Variants in ZPBP2 observed in about 807,000 individuals in gnomAD.
ZPBP2 encodes the protein zona pellucida-binding protein 2.
Under a neutral mutation model 37.5 loss-of-function variants are expected in ZPBP2, and 34 were observed. The ratio of observed to expected loss-of-function variants is 0.91; its 90% CI spans 0.69 to 1.21. The LOEUF (loss-of-function observed/expected upper bound fraction) is 1.21, where lower values mean the gene tolerates loss of function less well. ZPBP2 is among the 50% of genes most tolerant of loss of function. ZPBP2 has a pLI of 0.00. For missense variants in ZPBP2, 397 were observed against 413.5 expected (o/e 0.96, Z 0.35); for synonymous variants, 143 against 138.4 (o/e 1.03, Z -0.23).
In ZPBP2 at chr17:39,872,371, A is replaced by G. The variant is rs2063369092; in HGVS notation, c.508A>G (p.Ile170Val). The G allele has an allele frequency of 1.2e-6, 2 of 1,613,482 alleles. No homozygotes were observed. The highest frequency in any genetic ancestry group is 2.2e-5 in the East Asian group (1 of 44,780). Residue 170 changes from isoleucine to valine, a missense_variant, in exon 5 of 8, where the codon ATC (isoleucine) becomes GTC (valine). By Grantham distance (29) the Ile-to-Val change is conservative. Transcript: ENST00000348931. ...NDVFFRVLKKILDSLISDLSC... is the reference protein window; with the variant it reads ...NDVFFRVLKKVLDSLISDLSC... ...TGTATTCTTTAGAGTGCTGAAGAAA[A>G]TCTTGGATAGTCTAATTTCTGATTT... is the stretch of plus-strand genomic sequence containing the variant.
At chr17:39,873,235 A>G in intron 6 of ZPBP2, 109 bp downstream of exon 6, 1 of 841,760 alleles carries the variant, frequency 1.2e-6, no homozygotes, top group Non-Finnish European at 1.8e-6. Context: ...TGCAGCCTCA[A>G]ACTCCTGGGC....
In ZPBP2 at chr17:39,868,239, G is replaced by GT; in HGVS notation, c.-116_-115insT. 8.2e-7 allele frequency: 1 copy of GT among 1,213,494 alleles called. No individual in the cohort carries two copies. The highest frequency in any genetic ancestry group is 2.4e-5 in the East Asian group (1 of 41,762). The allele number at this position is 1,213,494 out of a possible 1,614,324, so 75.2% of individuals were successfully genotyped here. A position where few individuals can be genotyped will look rare whatever the true frequency, so the allele number is the denominator to read the frequency against. On this transcript the variant is annotated 5_prime_UTR_variant, in exon 1 of 8. Coordinates refer to ENST00000348931, the MANE Select transcript of ZPBP2 (RefSeq NM_199321.3). ...CCGCCGTTGCGACGGACGGGTAGGG[G>GT]AGGCGACCCCGGCGTTCTGCTCCGC...
At chr17:39,869,036 C>T (rs565151786) in intron 2 of ZPBP2, among the ~76,000 whole-genome samples, 67 of 152,294 alleles carry the variant, frequency 4.4e-4, no homozygotes, top group African/African-American at 1.5e-3. Context: ...TGCAGTGAAA[C>T]TTTCCCAAGG....
intron 6 of ZPBP2, among the ~76,000 whole-genome samples, chr17:39,874,621 C>T (rs1412702016): frequency 6.6e-6 from 1 of 151,832 alleles, no homozygotes; most frequent in Non-Finnish European, 1.5e-5. Flanking sequence ...TTATTAGAGA[C>T]GAGGTTTCAC....
In ZPBP2 at chr17:39,877,692, T is replaced by C. The variant is rs1406913536; in HGVS notation, c.*883T>C. 1 of 152,226 alleles carries C rather than the reference T, an allele frequency of 6.6e-6. No homozygotes were observed. Among genetic ancestry groups the C allele is most frequent in the Non-Finnish European group, 1.5e-5 (1 of 68,032 alleles). 9.4% of individuals were successfully genotyped at this position (152,226 alleles called of 1,614,324 possible). ...TGTAGTTGGTTGGAGTTATGCAGTA[T>C]GTAGACTTTTTAGACTGGCTTCTTT... is the stretch of plus-strand genomic sequence containing the variant. On this transcript the variant is annotated 3_prime_UTR_variant, in exon 8 of 8. Coordinates refer to ENST00000348931, the MANE Select transcript of ZPBP2 (RefSeq NM_199321.3).
At chr17:39,871,677 A>G (rs980805688) in intron 4 of ZPBP2, 52 bp downstream of exon 4, 5 of 1,386,198 alleles carry the variant, frequency 3.6e-6, no homozygotes, top group African/African-American at 1.5e-5. Flanking sequence ...ATCGTAATTA[A>G]GTGTATGGTT....
rs554367023 is a variant in ZPBP2 at position 39,877,016 on chromosome 17, G to A, written c.*207G>A. On this transcript the variant is annotated 3_prime_UTR_variant, in exon 8 of 8. Coordinates refer to ENST00000348931, the MANE Select transcript of ZPBP2 (RefSeq NM_199321.3). Reference sequence around the variant, plus strand: ...TATCTCTAGTGTACAAAGGAAACTTGAAGTTTTAATGGATTATTTTTAATG... The same window carrying A: ...TATCTCTAGTGTACAAAGGAAACTTAAAGTTTTAATGGATTATTTTTAATG... The A allele has an allele frequency of 3.9e-4, 190 of 490,404 alleles. No homozygotes were observed. The highest frequency in any genetic ancestry group is 6.2e-4 in the Non-Finnish European group (174 of 280,806). The allele number at this position is 490,404 out of a possible 1,614,324, so 30.4% of individuals were successfully genotyped here.
chr17:39,873,093 CTG>C lies in ZPBP2; in HGVS notation c.678_679del (p.Cys226Ter), dbSNP rs1367360298. Reference sequence around the variant, plus strand: ...AAGGTGCTTGCAATGGATCTGTTGACTGTGAAGATACCACTAATCATAATATC... The same window carrying C: ...AAGGTGCTTGCAATGGATCTGTTGACTGAAGATACCACTAATCATAATATC... ...WKGACNGSVD[C>X]EDTTNHNILQ... On this transcript the variant is annotated frameshift_variant, in exon 6 of 8. Transcript: ENST00000348931. LOFTEE classifies it high-confidence loss of function. The C allele has an allele frequency of 6.2e-7, 1 of 1,611,684 alleles. No individual in the cohort carries two copies. The highest frequency in any genetic ancestry group is 8.5e-7 in the Non-Finnish European group (1 of 1,179,034).
At chr17:39,874,142 C>T (rs1236964509) in intron 6 of ZPBP2, among the ~76,000 whole-genome samples, 3 of 151,934 alleles carry the variant, frequency 2.0e-5, no homozygotes, top group Non-Finnish European at 4.4e-5. Context: ...CACACCACCA[C>T]ACCCACACCC....
intron 6 of ZPBP2, among the ~76,000 whole-genome samples, chr17:39,874,401 A>G (rs1197862190): frequency 6.6e-6 from 1 of 152,130 alleles, no homozygotes; most frequent in African/African-American, 2.4e-5. Flanking sequence ...ATTGCAAATA[A>G]TTCAAAACAA....
At chr17:39,876,620 C>A (rs2063391775) in intron 7 of ZPBP2, 62 bp from the exon 8 acceptor site, 1 of 1,585,306 alleles carries the variant, frequency 6.3e-7, no homozygotes, top group Non-Finnish European at 8.6e-7. Flanking sequence ...TAGAATACCT[C>A]CAAGTAGTAG....
At chr17:39,869,715 T>TTC (rs1377117562) in intron 2 of ZPBP2, among the ~76,000 whole-genome samples, 2 of 139,306 alleles carry the variant, frequency 1.4e-5, no homozygotes, top group Non-Finnish European at 3.1e-5. Context: ...ATCTTTTTTT[T>TTC]TTTTTTTTTT....
chr17:39,868,231 G>T lies in ZPBP2; in HGVS notation c.-124G>T, dbSNP rs991595200. The T allele has an allele frequency of 1.9e-6, 2 of 1,075,952 alleles. No individual in the cohort carries two copies. Among genetic ancestry groups the T allele is most frequent in the East Asian group, 2.5e-5 (1 of 40,618 alleles). The allele number at this position is 1,075,952 out of a possible 1,614,324, so 66.7% of individuals were successfully genotyped here. On this transcript the variant is annotated 5_prime_UTR_variant, in exon 1 of 8. Coordinates refer to ENST00000348931, the MANE Select transcript of ZPBP2 (RefSeq NM_199321.3). Reference sequence around the variant, plus strand: ...GTCCGCTCCCGCCGTTGCGACGGACGGGTAGGGGAGGCGACCCCGGCGTTC... The same window carrying T: ...GTCCGCTCCCGCCGTTGCGACGGACTGGTAGGGGAGGCGACCCCGGCGTTC...
chr17:39,871,986 A>G (rs1192900709), intron 4 of ZPBP2, among the ~76,000 whole-genome samples: 2 of 152,110 alleles, frequency 1.3e-5, no homozygotes, highest in African/African-American at 4.8e-5. Flanking sequence ...GCCCTCCCCA[A>G]AAAGTCTTTC....
intron 2 of ZPBP2, among the ~76,000 whole-genome samples, chr17:39,868,989 G>A (rs1433564070): frequency 6.6e-6 from 1 of 152,078 alleles, no homozygotes; most frequent in Non-Finnish European, 1.5e-5. Flanking sequence ...AAACTCCCAC[G>A]CATCCTTCAG....
At chr17:39,873,355 T>C (rs1255821932) in intron 6 of ZPBP2, among the ~76,000 whole-genome samples, 2 of 152,202 alleles carry the variant, frequency 1.3e-5, no homozygotes, top group Non-Finnish European at 2.9e-5. Context: ...TTTAAAAACC[T>C]ATTTCTCCAT....
intron 4 of ZPBP2, 139 bp from the exon 5 acceptor site, chr17:39,872,131 A>G (rs943845832): frequency 1.2e-5 from 7 of 589,592 alleles, no homozygotes; most frequent in Non-Finnish European, 2.0e-5. Flanking sequence ...GTGAGGACTA[A>G]CTGATAAAAC....
chr17:39,876,850 T>C lies in ZPBP2; in HGVS notation c.*41T>C, dbSNP rs1199116988. 6.2e-7 allele frequency: 1 copy of C among 1,609,332 alleles called. No homozygotes were observed. Among genetic ancestry groups the C allele is most frequent in the Non-Finnish European group, 8.5e-7 (1 of 1,177,234 alleles). ...TACTTACTTGTGGAAGTCGGGGACA[T>C]AAGATGATTTTCACATCCCAGAGCA... On this transcript the variant is annotated 3_prime_UTR_variant, in exon 8 of 8. Coordinates refer to ENST00000348931, the MANE Select transcript of ZPBP2 (RefSeq NM_199321.3).
intron 2 of ZPBP2, among the ~76,000 whole-genome samples, chr17:39,869,541 A>G (rs1000080399): frequency 1.3e-5 from 2 of 148,650 alleles, no homozygotes; most frequent in African/African-American, 5.0e-5. Flanking sequence ...AGTGGCTGGG[A>G]TTACAGGCGT....
Sources: gnomAD v4.1 joint callset for allele counts (sites outside exome capture counted in the v4.1 genomes callset) on GRCh38, gnomAD v4.1.1 for gene constraint, MANE v1.5 for transcripts, NCBI Gene and HGNC (gene_info 2026-07-23, HGNC 2026-07-21) for gene names.